Variants in INAVA observed in about 807,000 individuals in gnomAD.
INAVA encodes the protein innate immunity activator protein.
A neutral mutation model predicts 55.3 loss-of-function variants in INAVA; 32 were observed. The observed-to-expected ratio is 0.58, with a 90% CI of 0.44 to 0.78. The LOEUF (loss-of-function observed/expected upper bound fraction) is 0.78. INAVA is among the 30% of genes least tolerant of loss of function. The pLI is 0.00. For synonymous variants in INAVA, 294 were observed against 329.4 expected, an observed-to-expected ratio of 0.89 and a Z score of 1.16; for missense variants, 756 against 786.4, an observed-to-expected ratio of 0.96 and a Z score of 0.46.
intron 1 of INAVA, among the ~76,000 whole-genome samples, chr1:200,896,862 C>CG (rs1223686854): frequency 2.0e-5 from 3 of 152,248 alleles, no homozygotes; most frequent in African/African-American, 7.2e-5. Context: ...CCCCACCCTG[C>CG]GGCCCCGCGC....
chr1:200,901,220 C>T (rs1351624155), intron 5 of INAVA, 61 bp downstream of exon 5: 10 of 1,408,496 alleles, frequency 7.1e-6, no homozygotes, highest in African/African-American at 2.9e-5. Context: ...GGATGGTGGG[C>T]GCACAGCCCC....
chr1:200,901,017 G>T lies in INAVA; in HGVS notation c.378G>T (p.Glu126Asp). Residue 126 changes from glutamate (E) to aspartate (D), a missense_variant, in exon 5 of 10, where the codon GAG (glutamate) becomes GAT (aspartate). Glu to Asp is a conservative substitution (Grantham distance 45, BLOSUM62 2). Around this residue, in one of 2 missense-constraint regions of INAVA, gnomAD observed 639 missense variants for 624.3 expected, o/e 1.02. Coordinates refer to ENST00000413687, the MANE Select transcript of INAVA (RefSeq NM_001142569.3). ...CAGCCCGTCGGCTGTGCCTGGAGGA[G>T]AACCTCAGCAGGCAGGCTCGGCGGC... ...TEAARRLCLE[E>D]NLSRQARRQR... 1 of 1,550,804 alleles carries T rather than the reference G, an allele frequency of 6.4e-7. No homozygotes were observed.
intron 3 of INAVA, 106 bp from the exon 4 acceptor site, chr1:200,899,997 TG>T: frequency 1.1e-6 from 1 of 870,576 alleles, no homozygotes; most frequent in Non-Finnish European, 1.8e-6. Flanking sequence ...GGGTGGAGGG[TG>T]GTCCCACCAG....
chr1:200,908,159 G>A (rs1265123735), intron 6 of INAVA: 1 of 378,042 alleles, frequency 2.6e-6, no homozygotes. Context: ...AACCCCAGAT[G>A]TCCCTCCTTC....
chr1:200,911,073 TGTA>T (rs1653694814), intron 8 of INAVA, among the ~76,000 whole-genome samples: 1 of 88,468 alleles, frequency 1.1e-5, no homozygotes, highest in African/African-American at 3.0e-5. Flanking sequence ...AAGTAGTTAA[TGTA>T]GTACTTTAAA....
intron 5 of INAVA, among the ~76,000 whole-genome samples, chr1:200,906,737 C>T (rs1653508714): frequency 6.6e-6 from 1 of 152,186 alleles, no homozygotes; most frequent in Non-Finnish European, 1.5e-5. Flanking sequence ...CCTTGCGTTC[C>T]TCTTGTTGTT....
upstream of INAVA, chr1:200,891,745 G>A (rs758556030): frequency 8.0e-6 from 11 of 1,370,570 alleles, no homozygotes; most frequent in African/African-American, 1.7e-4. Flanking sequence ...GTGAACTGGG[G>A]CGGGGGATCG....
At chr1:200,908,982 G>A (rs766238789) in intron 7 of INAVA, 42 bp downstream of exon 7, 3 of 1,575,236 alleles carry the variant, frequency 1.9e-6, no homozygotes, top group Non-Finnish European at 2.6e-6. Flanking sequence ...GCAGGGCAGG[G>A]AGTCGGTGGG....
chr1:200,891,895 T>C (rs1005907143), upstream of INAVA, among the ~76,000 whole-genome samples: 2 of 152,134 alleles, frequency 1.3e-5, no homozygotes, highest in Admixed American at 6.5e-5. Context: ...TTCGACCTTC[T>C]TCGTGCCTGT....
intron 5 of INAVA, among the ~76,000 whole-genome samples, chr1:200,903,492 AC>A (rs1653350326): frequency 6.6e-6 from 1 of 152,038 alleles, no homozygotes; most frequent in Non-Finnish European, 1.5e-5. Context: ...TGTCTCAAAA[AC>A]AAAAAACAAA....
At chr1:200,908,645 G>A (rs1418776019) in intron 6 of INAVA, 85 bp from the exon 7 acceptor site, 7 of 1,164,036 alleles carry the variant, frequency 6.0e-6, no homozygotes, top group African/African-American at 1.6e-5. Context: ...GGAGAGCGGC[G>A]AGGCATGGGC....
At chr1:200,913,469 G>T in intron 9 of INAVA, 68 bp from the exon 10 acceptor site, 3 of 1,221,582 alleles carry the variant, frequency 2.5e-6, no homozygotes, top group Non-Finnish European at 3.6e-6. Context: ...TGGTGTAACT[G>T]TGCCTGCTGT....
Position 200,901,174 on chromosome 1 carries a change from C to G in INAVA, c.520+15C>G, listed in dbSNP as rs769763675. ...CCTGGGCCGAGGTGAGCCGGCTGCC[C>G]TGAGGGGGGCCATGCTCCTTAAATG... On this transcript the variant is annotated intron_variant, in intron 5 of 9. Coordinates refer to ENST00000413687, the MANE Select transcript of INAVA (RefSeq NM_001142569.3). The G allele has an allele frequency of 2.7e-6, 4 of 1,491,078 alleles. No individual in the cohort carries two copies. The highest frequency in any genetic ancestry group is 3.6e-6 in the Non-Finnish European group (4 of 1,121,494). 92.4% of individuals were successfully genotyped at this position (1,491,078 alleles called of 1,614,324 possible). A position where few individuals can be genotyped will look rare whatever the true frequency, so the allele number is the denominator to read the frequency against.
rs1029710010 is a variant in INAVA at position 200,913,618 on chromosome 1, A to G, written c.1726A>G (p.Ser576Gly). 7 of 1,613,790 alleles carry G rather than the reference A, an allele frequency of 4.3e-6. No homozygotes were observed. In the African/African-American group the frequency reaches 8.0e-5, roughly 18 times the overall value. ...VFVPEKGEII[S>G]QV ...TGTACCTGAAAAAGGAGAGATCATCAGCCAGGTGTAACTCTGCGCCCCACG... is the reference window on the plus strand; with the variant it reads ...TGTACCTGAAAAAGGAGAGATCATCGGCCAGGTGTAACTCTGCGCCCCACG... Residue 576 changes from serine to glycine, a missense_variant, in exon 10 of 10, where the codon AGC (serine) becomes GGC (glycine). This residue lies in a region of INAVA where 117 missense variants were observed against 162.1 expected (regional missense o/e 0.72). Transcript: ENST00000413687.
intron 1 of INAVA, 93 bp from the exon 2 acceptor site, chr1:200,898,214 C>A: frequency 7.3e-7 from 1 of 1,370,176 alleles, no homozygotes; most frequent in Non-Finnish European, 1.0e-6. Context: ...GTCCTCCCTT[C>A]CACTCCCCTG....
At chr1:200,894,730 T>C (rs1302047290), upstream of INAVA, 1 of 922,260 alleles carries the variant, frequency 1.1e-6, no homozygotes, top group Admixed American at 6.2e-5. Context: ...CTTTGGGGAT[T>C]CCTCCATGGG....
At position 200,912,231 on chromosome 1, in the gene INAVA, A is replaced by G. The variant is rs1653783990; in HGVS notation, c.1644+94A>G. On this transcript the variant is annotated intron_variant, in intron 9 of 9. Coordinates refer to ENST00000413687, the MANE Select transcript of INAVA (RefSeq NM_001142569.3). ...CTAGTATGTCCAAGGGTACAGAGGC[A>G]TCAAAGCAGCAACCTAGTGGCCGGG... 4 of 1,164,342 alleles carry G rather than the reference A, an allele frequency of 3.4e-6. No homozygotes were observed. In the Admixed American group the frequency reaches 1.2e-4, roughly 34 times the overall value. The allele number at this position is 1,164,342 out of a possible 1,614,324, so 72.1% of individuals were successfully genotyped here.
chr1:200,894,471 T>C (rs1396623150), upstream of INAVA, among the ~76,000 whole-genome samples: 1 of 152,200 alleles, frequency 6.6e-6, no homozygotes, highest in Non-Finnish European at 1.5e-5. Context: ...CATTTCCATA[T>C]GTGGGGAAGA....
intron 3 of INAVA, 34 bp from the exon 4 acceptor site, chr1:200,900,070 G>C: frequency 6.4e-7 from 1 of 1,568,474 alleles, no homozygotes; most frequent in Non-Finnish European, 8.7e-7. Flanking sequence ...TGGGCAGGTG[G>C]AGAGGACCTG....
Sources: gnomAD v4.1 joint callset for allele counts (sites outside exome capture counted in the v4.1 genomes callset) on GRCh38, gnomAD v4.1.1 for gene constraint, gnomAD v4.1.1 regional missense constraint, MANE v1.5 for transcripts, NCBI Gene and HGNC (gene_info 2026-07-23, HGNC 2026-07-21) for gene names.